Variants in CHP1 observed in about 807,000 individuals in gnomAD.
The protein encoded by CHP1 is calcineurin like EF-hand protein 1.
CHP1 carries 11 observed loss-of-function variants against 27.4 expected under a neutral mutation model. The observed-to-expected ratio is 0.40, with a 90% CI of 0.25 to 0.67. CHP1 has a LOEUF of 0.67. Ranked by LOEUF, CHP1 falls within the 30% of genes least tolerant of loss-of-function variation. The pLI is 0.38. For missense variants in CHP1, 169 were observed against 251.3 expected, an observed-to-expected ratio of 0.67 and a Z score of 2.22; for synonymous variants, 89 against 87.4, an observed-to-expected ratio of 1.02 and a Z score of -0.10.
At chr15:41,270,958 A>G (rs1045079050) in intron 5 of CHP1, among the ~76,000 whole-genome samples, 5 of 152,184 alleles carry the variant, frequency 3.3e-5, no homozygotes, top group African/African-American at 1.2e-4. Context: ...TAGTAAAAAT[A>G]CAAAAATTAG....
intron 1 of CHP1, among the ~76,000 whole-genome samples, chr15:41,233,231 G>A (rs1457242760): frequency 3.3e-5 from 5 of 152,168 alleles, no homozygotes; most frequent in Non-Finnish European, 4.4e-5. Context: ...CCGAATTAAA[G>A]TATTTGTGTT....
chr15:41,253,805 A>T (rs1011862650), intron 2 of CHP1, among the ~76,000 whole-genome samples: 8 of 151,480 alleles, frequency 5.3e-5, no homozygotes, highest in African/African-American at 1.9e-4. Flanking sequence ...TCTGTTTTGA[A>T]ACAGGGTCTC....
intron 1 of CHP1, among the ~76,000 whole-genome samples, chr15:41,232,808 G>A (rs1259261380): frequency 2.0e-5 from 3 of 152,156 alleles, no homozygotes; most frequent in African/African-American, 7.2e-5. Context: ...ATAGTACTGA[G>A]GAGTGCTATG....
intron 2 of CHP1, among the ~76,000 whole-genome samples, chr15:41,254,009 G>T (rs2047385820): frequency 6.6e-6 from 1 of 151,050 alleles, no homozygotes; most frequent in South Asian, 2.1e-4. Flanking sequence ...GCCCAGGCTG[G>T]TCTCGAACTC....
intron 2 of CHP1, among the ~76,000 whole-genome samples, chr15:41,249,615 G>C (rs914823198): frequency 6.6e-6 from 1 of 151,882 alleles, no homozygotes; most frequent in East Asian, 1.9e-4. Flanking sequence ...TGGGACTACA[G>C]GTGCCCGCCA....
chr15:41,251,443 A>G (rs1487121758), intron 2 of CHP1, among the ~76,000 whole-genome samples: 1 of 152,164 alleles, frequency 6.6e-6, no homozygotes, highest in Non-Finnish European at 1.5e-5. Flanking sequence ...TGACCTGCAA[A>G]AGACCACTTT....
chr15:41,261,886 A>T (rs1331985316), intron 3 of CHP1, among the ~76,000 whole-genome samples: 1 of 151,842 alleles, frequency 6.6e-6, no homozygotes, highest in Non-Finnish European at 1.5e-5. Context: ...CAGCTACTCC[A>T]GAGGCTGGGG....
At chr15:41,248,925 T>C (rs998502339) in intron 2 of CHP1, among the ~76,000 whole-genome samples, 1 of 152,182 alleles carries the variant, frequency 6.6e-6, no homozygotes, top group African/African-American at 2.4e-5. Flanking sequence ...CTGACAATTA[T>C]CTTCTTAGCC....
intron 4 of CHP1, among the ~76,000 whole-genome samples, chr15:41,267,198 A>G (rs1006863508): frequency 1.3e-5 from 2 of 152,010 alleles, no homozygotes; most frequent in African/African-American, 4.8e-5. Flanking sequence ...GGTGATGGTA[A>G]TGGAGTTATT....
intron 2 of CHP1, among the ~76,000 whole-genome samples, chr15:41,244,324 C>G (rs569558102): frequency 4.6e-4 from 70 of 152,096 alleles, no homozygotes; most frequent in Non-Finnish European, 8.7e-4. Context: ...TTTAAGATTT[C>G]AGCTCTCTCT....
intron 3 of CHP1, among the ~76,000 whole-genome samples, chr15:41,259,117 T>C (rs1329850863): frequency 2.0e-5 from 3 of 152,226 alleles, no homozygotes; most frequent in Non-Finnish European, 4.4e-5. Flanking sequence ...CTTCCTTTTT[T>C]CTAATTCCTC....
intron 5 of CHP1, among the ~76,000 whole-genome samples, chr15:41,273,641 A>G (rs1027111217): frequency 1.5e-4 from 23 of 152,094 alleles, no homozygotes; most frequent in African/African-American, 5.5e-4. Context: ...TCGGCCTCCC[A>G]AAGTGTGTGA....
chr15:41,261,208 G>A (rs893836411), intron 3 of CHP1, among the ~76,000 whole-genome samples: 3 of 150,654 alleles, frequency 2.0e-5, no homozygotes, highest in African/African-American at 7.3e-5. Flanking sequence ...AGGCTGGAGT[G>A]CAGTGGTGCA....
At chr15:41,235,800 AAC>A (rs1404583735) in intron 1 of CHP1, among the ~76,000 whole-genome samples, 1 of 152,300 alleles carries the variant, frequency 6.6e-6, no homozygotes, top group East Asian at 1.9e-4. Context: ...GTAGAAATTC[AAC>A]TTCAGGTTTC....
chr15:41,240,251 C>T (rs1202448898), intron 1 of CHP1, among the ~76,000 whole-genome samples: 2 of 152,072 alleles, frequency 1.3e-5, no homozygotes, highest in African/African-American at 4.8e-5. Flanking sequence ...GCTTCTGCCT[C>T]TGGAAGTGCT....
In CHP1 at chr15:41,258,127, TACAC is replaced by T. The variant is rs201573163; in HGVS notation, c.221+1139_221+1142del. ...ACATGCCTACATGTACGTACATACA[TACAC>T]ATACATACATGTATGTATATACACA... is the stretch of plus-strand genomic sequence containing the variant. On this transcript the variant is annotated intron_variant, in intron 3 of 6. Transcript: ENST00000334660. Among the ~76,000 whole-genome samples, 344 of 152,290 alleles carry T rather than the reference TACAC, an allele frequency of 2.3e-3. 7 individuals carry two copies. The East Asian group carries it at 0.054, about 24-fold the overall frequency.
At chr15:41,251,184 C>CAT (rs1201607422) in intron 2 of CHP1, among the ~76,000 whole-genome samples, 1 of 152,032 alleles carries the variant, frequency 6.6e-6, no homozygotes, top group East Asian at 1.9e-4. Context: ...CAGAAAAGTG[C>CAT]ACAAATCAAA....
Position 41,281,620 on chromosome 15 carries a change from A to T in CHP1, c.*2231A>T, listed in dbSNP as rs2047546797. 1 of 152,684 alleles carries T rather than the reference A, an allele frequency of 6.5e-6. No individual in the cohort carries two copies. Among genetic ancestry groups the T allele is most frequent in the South Asian group, 2.1e-4 (1 of 4,836 alleles). The allele number at this position is 152,684 out of a possible 1,614,324, so 9.5% of individuals were successfully genotyped here. Reference sequence around the variant, plus strand: ...TAGCCAGGCTGGATGGCTCAAATATAAATGAATGAGGAATTCTTTATGAAG... The same window carrying T: ...TAGCCAGGCTGGATGGCTCAAATATTAATGAATGAGGAATTCTTTATGAAG... On this transcript the variant is annotated 3_prime_UTR_variant, in exon 7 of 7. Transcript: ENST00000334660.
intron 2 of CHP1, among the ~76,000 whole-genome samples, chr15:41,252,502 A>C (rs955599293): frequency 1.3e-5 from 2 of 152,166 alleles, no homozygotes; most frequent in African/African-American, 4.8e-5. Context: ...TGTGTGTTCC[A>C]GTGGGTATGT....
Sources: gnomAD v4.1 joint callset for allele counts (sites outside exome capture counted in the v4.1 genomes callset) on GRCh38, gnomAD v4.1.1 for gene constraint, MANE v1.5 for transcripts, NCBI Gene and HGNC (gene_info 2026-07-23, HGNC 2026-07-21) for gene names.